CADM2: variants seen among roughly 807,000 people sequenced by gnomAD.
CADM2 encodes the protein cell adhesion molecule 2.
CADM2 carries 12 observed loss-of-function variants against 49.8 expected under a neutral mutation model. That is an observed-to-expected ratio of 0.24 (90% CI 0.15 to 0.39). CADM2 has a LOEUF of 0.39. Ranked by LOEUF, CADM2 falls within the 10% of genes least tolerant of loss-of-function variation. The probability of loss-of-function intolerance (pLI) is 1.00; values close to 1 mark genes in which losing one functional copy is unlikely to be tolerated. For missense variants in CADM2, 378 were observed against 492.3 expected (o/e 0.77, Z 2.20); for synonymous variants, 214 against 175.4 (o/e 1.22, Z -1.74).
intron 1 of CADM2, among the ~76,000 whole-genome samples, chr3:85,283,778 C>T (rs1347332716): frequency 6.6e-6 from 1 of 151,998 alleles, no homozygotes; most frequent in African/African-American, 2.4e-5. Flanking sequence ...GAAGTCAAGT[C>T]CAATGTCATA....
chr3:85,874,242 G>T (rs1711515983), intron 3 of CADM2, among the ~76,000 whole-genome samples: 1 of 152,048 alleles, frequency 6.6e-6, no homozygotes, highest in East Asian at 1.9e-4. Flanking sequence ...TACAACTTCG[G>T]GATTATTAGA....
At chr3:85,875,368 C>T (rs1487525927) in intron 3 of CADM2, among the ~76,000 whole-genome samples, 2 of 152,104 alleles carry the variant, frequency 1.3e-5, no homozygotes, top group African/African-American at 4.8e-5. Context: ...GAGTCTTCAT[C>T]TTGCCTCTTT....
intron 8 of CADM2, among the ~76,000 whole-genome samples, chr3:86,051,805 CACTA>C (rs1737373737): frequency 6.6e-6 from 1 of 152,134 alleles, no homozygotes; most frequent in South Asian, 2.1e-4. Flanking sequence ...CTCACTCACT[CACTA>C]TCGTTAAAAC....
At chr3:85,162,571 A>T (rs1045603071) in intron 1 of CADM2, among the ~76,000 whole-genome samples, 1 of 152,172 alleles carries the variant, frequency 6.6e-6, no homozygotes, top group Non-Finnish European at 1.5e-5. Flanking sequence ...ACCATTAAAA[A>T]AAATAATATA....
chr3:85,975,569 T>C (rs1726673338), intron 8 of CADM2, among the ~76,000 whole-genome samples: 1 of 151,594 alleles, frequency 6.6e-6, no homozygotes, highest in Non-Finnish European at 1.5e-5. Flanking sequence ...GAACATATTT[T>C]ATCAATTGCT....
chr3:85,202,002 C>T (rs2041514717), intron 1 of CADM2, among the ~76,000 whole-genome samples: 1 of 148,324 alleles, frequency 6.7e-6, no homozygotes, highest in African/African-American at 2.5e-5. Context: ...ACCGCTTGAA[C>T]CAGGGAGGAG....
intron 3 of CADM2, among the ~76,000 whole-genome samples, chr3:85,821,666 G>A (rs971755209): frequency 1.3e-5 from 2 of 152,084 alleles, no homozygotes; most frequent in African/African-American, 2.4e-5. Flanking sequence ...ACAAGGTCTA[G>A]GTGTGGAGCT....
intron 1 of CADM2, among the ~76,000 whole-genome samples, chr3:85,692,952 G>A (rs563749291): frequency 3.9e-5 from 6 of 152,164 alleles, no homozygotes; most frequent in South Asian, 2.1e-4. Flanking sequence ...GAAGGAGGCC[G>A]GGCGGAGTGG....
chr3:85,172,024 A>G (rs548259776), intron 1 of CADM2, among the ~76,000 whole-genome samples: 1 of 152,360 alleles, frequency 6.6e-6, no homozygotes, highest in African/African-American at 2.4e-5. Context: ...TGCAATTTAT[A>G]GAAATTAAAA....
Position 85,595,292 on chromosome 3 carries a change from T to C in CADM2, c.62-131230T>C, listed in dbSNP as rs1434911270. Among the ~76,000 whole-genome samples the C allele has an allele frequency of 2.0e-5, 3 of 151,984 alleles. No individual in the cohort carries two copies. In the East Asian group the frequency reaches 5.8e-4, roughly 30 times the overall value. On this transcript the variant is annotated intron_variant, in intron 1 of 9. Transcript: ENST00000383699. The stretch of plus-strand genomic sequence containing the variant: ...CTTTAGAAATCTTTGTATTATTTAG[T>C]ACAGTAGAATATCCACTGGCCTACA...
At chr3:85,728,656 G>T (rs1438078268) in intron 2 of CADM2, among the ~76,000 whole-genome samples, 1 of 152,128 alleles carries the variant, frequency 6.6e-6, no homozygotes, top group Non-Finnish European at 1.5e-5. Context: ...GGAACCGAGA[G>T]AAATTTTAAA....
intron 1 of CADM2, among the ~76,000 whole-genome samples, chr3:85,514,008 G>A (rs2060836364): frequency 6.6e-6 from 1 of 152,064 alleles, no homozygotes; most frequent in African/African-American, 2.4e-5. Context: ...ACTGGGTCAA[G>A]CATCGTTAAC....
At chr3:85,269,554 A>C (rs1408754072) in intron 1 of CADM2, among the ~76,000 whole-genome samples, 1 of 151,404 alleles carries the variant, frequency 6.6e-6, no homozygotes, top group Non-Finnish European at 1.5e-5. Flanking sequence ...TCCTTCCATT[A>C]GGATCCCTTG....
intron 1 of CADM2, among the ~76,000 whole-genome samples, chr3:84,973,544 A>C (rs1188321283): frequency 6.6e-6 from 1 of 152,200 alleles, no homozygotes; most frequent in Non-Finnish European, 1.5e-5. Context: ...GATTCATTTA[A>C]TTTCATAAAG....
At chr3:85,731,219 A>C (rs2067917774) in intron 2 of CADM2, among the ~76,000 whole-genome samples, 1 of 152,216 alleles carries the variant, frequency 6.6e-6, no homozygotes. Context: ...AAGAGGCTGA[A>C]GTTGAGACAT....
intron 1 of CADM2, among the ~76,000 whole-genome samples, chr3:85,117,592 A>C (rs1185902857): frequency 6.6e-6 from 1 of 152,158 alleles, no homozygotes; most frequent in East Asian, 1.9e-4. Context: ...TCAGATTATA[A>C]TATAGCATTA....
chr3:85,946,440 A>G (rs1722706260), intron 7 of CADM2, among the ~76,000 whole-genome samples: 1 of 152,112 alleles, frequency 6.6e-6, no homozygotes, highest in African/African-American at 2.4e-5. Flanking sequence ...TTTAAAGTTC[A>G]TATGGAACCA....
intron 1 of CADM2, among the ~76,000 whole-genome samples, chr3:85,697,536 GA>G (rs1162708944): frequency 2.0e-5 from 3 of 152,042 alleles, no homozygotes; most frequent in Admixed American, 2.0e-4. Context: ...TAAAGGTAAA[GA>G]AAAAATATGT....
chr3:85,622,074 T>A (rs1480719899), intron 1 of CADM2, among the ~76,000 whole-genome samples: 1 of 152,240 alleles, frequency 6.6e-6, no homozygotes, highest in Non-Finnish European at 1.5e-5. Flanking sequence ...AACAATTGCT[T>A]ACCTTATGTG....
Sources: gnomAD v4.1 joint callset for allele counts (sites outside exome capture counted in the v4.1 genomes callset) on GRCh38, gnomAD v4.1.1 for gene constraint, MANE v1.5 for transcripts, NCBI Gene and HGNC (gene_info 2026-07-23, HGNC 2026-07-21) for gene names.